Variants in MGRN1 observed in about 807,000 individuals in gnomAD.
MGRN1 encodes E3 ubiquitin-protein ligase MGRN1.
MGRN1 carries 29 observed loss-of-function variants against 69.2 expected under a neutral mutation model. That is an observed-to-expected ratio of 0.42 (90% CI 0.31 to 0.57). MGRN1 has a LOEUF of 0.57. Ranked by LOEUF, MGRN1 falls within the 20% of genes least tolerant of loss-of-function variation. The pLI, the probability that MGRN1 is intolerant of heterozygous loss-of-function variation, is 0.15. For missense variants in MGRN1, 998 were observed against 796.2 expected (o/e 1.25, Z -3.05); for synonymous variants, 470 against 344.2 (o/e 1.37, Z -4.04).
At position 4,682,835 on chromosome 16, in the gene MGRN1, C is replaced by T. The variant is rs773107741; in HGVS notation, c.1371C>T (p.Ser457=). ...CCTCTGTCCCCAGCACCCTACGGTC[C>T]CCGTCTTCCCCCATCCACGAAGAGG... ...QSKAPDSTLR[S]PSSPIHEEDE... is the part of the protein sequence containing the mutation. Residue 457 remains serine (S), a synonymous_variant, in exon 14 of 17, where the codon TCC becomes TCT. Coordinates refer to ENST00000262370, the MANE Select transcript of MGRN1 (RefSeq NM_015246.4). The T allele has an allele frequency of 3.0e-5, 48 of 1,591,060 alleles. No homozygotes were observed. In the East Asian group the frequency reaches 7.2e-4, roughly 24 times the overall value.
rs1392859102 is a variant in MGRN1, at chr16:4,652,724, C to T, written c.343C>T (p.Arg115Trp). 1.5e-5 allele frequency: 25 copies of T among 1,613,140 alleles called. No individual in the cohort carries two copies. Among genetic ancestry groups the T allele is most frequent in the East Asian group, 6.7e-5 (3 of 44,830 alleles). ...DSPTEDGDKP[R>W]VLYSLEFTFD... ...CCCCACCGAGGACGGCGACAAGCCCCGGGTGCTCTACAGCCTGGAGTTCAC... is the reference window on the plus strand; with the variant it reads ...CCCCACCGAGGACGGCGACAAGCCCTGGGTGCTCTACAGCCTGGAGTTCAC... Residue 115 changes from arginine (R) to tryptophan (W), a missense_variant, in exon 4 of 17, where the codon CGG becomes TGG. By Grantham distance (101) the Arg-to-Trp change is moderately radical. Coordinates refer to ENST00000262370, the MANE Select transcript of MGRN1 (RefSeq NM_015246.4).
At chr16:4,663,537 T>C (rs2078733164) in intron 5 of MGRN1, among the ~76,000 whole-genome samples, 1 of 152,196 alleles carries the variant, frequency 6.6e-6, no homozygotes, top group African/African-American at 2.4e-5. Flanking sequence ...ATTCTTTTTC[T>C]TCCCAGAATA....
chr16:4,667,464 C>A (rs1490128684), intron 7 of MGRN1, among the ~76,000 whole-genome samples: 1 of 152,184 alleles, frequency 6.6e-6, no homozygotes, highest in Non-Finnish European at 1.5e-5. Context: ...TCAGAAGCCA[C>A]GGTGACTATT....
rs894746532 is a variant in MGRN1 at position 4,690,144 on chromosome 16, G to C, written c.*1236G>C. On this transcript the variant is annotated 3_prime_UTR_variant, in exon 17 of 17. Transcript: ENST00000262370. ...TGGCCCAGGGAGGAGGAAGCCAGCA[G>C]CACACCTGGGGAATGGGGTCCCGGC... 1 of 152,408 alleles carries C rather than the reference G, an allele frequency of 6.6e-6. No individual in the cohort carries two copies. Among genetic ancestry groups the C allele is most frequent in the Admixed American group, 6.5e-5 (1 of 15,286 alleles). 9.4% of individuals were successfully genotyped at this position (152,408 alleles called of 1,614,324 possible).
intron 1 of MGRN1, among the ~76,000 whole-genome samples, chr16:4,629,683 G>C (rs932005323): frequency 1.3e-5 from 2 of 150,790 alleles, no homozygotes; most frequent in African/African-American, 4.9e-5. Context: ...GGGTTGCAGT[G>C]AGCCTAGATC....
intron 11 of MGRN1, 75 bp downstream of exon 11, chr16:4,677,647 G>A (rs959409612): frequency 3.9e-5 from 54 of 1,380,740 alleles, no homozygotes; most frequent in Admixed American, 1.5e-4. Flanking sequence ...AGGCCCAGAC[G>A]GTCCAGCCAG....
rs35226786 is a variant in MGRN1 at position 4,665,667 on chromosome 16, CTTTTTTTTTT to C, written c.678+527_678+536del. ...TACAGGCGTGAGCCACGTGCCCGGC[CTTTTTTTTTT>C]TTTTTTTTTTGAGGCGGAGTCTCAC... On this transcript the variant is annotated intron_variant, in intron 7 of 16. Coordinates refer to ENST00000262370, the MANE Select transcript of MGRN1 (RefSeq NM_015246.4). Among the ~76,000 whole-genome samples, 79 of 127,580 alleles carry C rather than the reference CTTTTTTTTTT, an allele frequency of 6.2e-4. No homozygotes were observed. In the Middle Eastern group the frequency reaches 0.013, roughly 21 times the overall value. The allele number at this position is 127,580 out of a possible 152,430, so 83.7% of individuals were successfully genotyped here. A position where few individuals can be genotyped will look rare whatever the true frequency, so the allele number is the denominator to read the frequency against.
At chr16:4,686,561 T>C in intron 16 of MGRN1, 1 of 1,330,748 alleles carries the variant, frequency 7.5e-7, no homozygotes, top group East Asian at 3.0e-5. Flanking sequence ...GTCAGGCTCT[T>C]CTTCCAGCCT....
At chr16:4,643,130 AT>A (rs1382291553) in intron 1 of MGRN1, among the ~76,000 whole-genome samples, 2 of 150,642 alleles carry the variant, frequency 1.3e-5, no homozygotes, top group Non-Finnish European at 3.0e-5. Context: ...TAATTTTTGT[AT>A]TTTTAGTAGA....
Position 4,681,751 on chromosome 16 carries a change from A to G in MGRN1, c.1333A>G (p.Arg445Gly), listed in dbSNP as rs1429090630. The stretch of plus-strand genomic sequence containing the variant: ...CCTGGACAGCAGCCGCCAGAAGGGC[A>G]GGCCGCAGAGCAAGGCCCCCGACAG... The part of the protein sequence containing the change: ...HILDSSRQKG[R>G]PQSKAPDSTL... The change falls in exon 13 of 17, where the codon AGG (arginine) becomes GGG (glycine). Residue 445 changes from arginine (R) to glycine (G), a missense_variant. Arg to Gly is a moderately radical substitution (Grantham distance 125). Coordinates refer to ENST00000262370, the MANE Select transcript of MGRN1 (RefSeq NM_015246.4). 4 of 1,612,414 alleles carry G rather than the reference A, an allele frequency of 2.5e-6. No homozygotes were observed. The East Asian group carries it at 6.7e-5, about 27-fold the overall frequency.
chr16:4,686,475 C>T, intron 16 of MGRN1: 1 of 1,391,894 alleles, frequency 7.2e-7, no homozygotes, highest in Non-Finnish European at 9.3e-7. Context: ...GCTGCTGCAC[C>T]TTCCCCCAGA....
intron 6 of MGRN1, 76 bp from the exon 7 acceptor site, chr16:4,665,026 A>T: frequency 1.3e-6 from 2 of 1,548,840 alleles, no homozygotes; most frequent in South Asian, 1.1e-5. Flanking sequence ...CCGCAGGCCT[A>T]CCAGGGTCGG....
intron 12 of MGRN1, 152 bp downstream of exon 12, chr16:4,680,249 G>A (rs1450196070): frequency 9.5e-6 from 7 of 739,776 alleles, no homozygotes; most frequent in Non-Finnish European, 1.5e-5. Context: ...CCTGCCCAGG[G>A]AGTTTGTGGA....
At chr16:4,650,335 ATCTAT>A in intron 1 of MGRN1, 25 bp from the exon 2 acceptor site, 1 of 1,503,716 alleles carries the variant, frequency 6.7e-7, no homozygotes, top group South Asian at 1.2e-5. Flanking sequence ...AAAAAAAAAA[ATCTAT>A]AATCGTGTTT....
intron 1 of MGRN1, among the ~76,000 whole-genome samples, chr16:4,627,818 C>T (rs375164031): frequency 8.0e-5 from 12 of 149,078 alleles, no homozygotes; most frequent in African/African-American, 2.7e-4. Context: ...CGGTGGTTCA[C>T]GCCTGTAATC....
chr16:4,683,622 C>T (rs1414410457), intron 15 of MGRN1, among the ~76,000 whole-genome samples: 2 of 152,146 alleles, frequency 1.3e-5, no homozygotes, highest in Non-Finnish European at 2.9e-5. Context: ...AAAAAAAGCC[C>T]CATGCTGGGG....
rs897168175 is a variant in MGRN1, at chr16:4,645,406, C to T, written c.89-4959C>T. 4.6e-5 allele frequency among the ~76,000 whole-genome samples: 7 copies of T among 152,244 alleles called. No homozygotes were observed. The East Asian group carries it at 1.3e-3, about 29-fold the overall frequency. The stretch of plus-strand genomic sequence containing the variant: ...CTGGTCTTGAACTCTGGGGCTCGAG[C>T]GATCCTCCTGCCTTGATCTTCCAAA... On this transcript the variant is annotated intron_variant, in intron 1 of 16. Transcript: ENST00000262370.
At chr16:4,630,153 A>G (rs1045312540) in intron 1 of MGRN1, among the ~76,000 whole-genome samples, 12 of 151,362 alleles carry the variant, frequency 7.9e-5, no homozygotes, top group African/African-American at 2.9e-4. Context: ...GGAGTTTGAG[A>G]CCAGCCTGGG....
intron 9 of MGRN1, among the ~76,000 whole-genome samples, chr16:4,673,136 C>T (rs1218513166): frequency 6.6e-6 from 1 of 152,166 alleles, no homozygotes; most frequent in Non-Finnish European, 1.5e-5. Context: ...CCGCGCCTGA[C>T]CATTAACTTG....
Sources: gnomAD v4.1 joint callset for allele counts (sites outside exome capture counted in the v4.1 genomes callset) on GRCh38, gnomAD v4.1.1 for gene constraint, MANE v1.5 for transcripts, NCBI Gene and HGNC (gene_info 2026-07-23, HGNC 2026-07-21) for gene names.